Variants in RGSL1 observed in about 807,000 individuals in gnomAD.
The protein encoded by RGSL1 is regulator of G protein signaling like 1, also known as regulator of G protein signaling protein-like.
In RGSL1, 97 loss-of-function variants were observed where a neutral mutation model predicts 124.7. The observed-to-expected ratio is 0.78, with a 90% CI of 0.66 to 0.92. RGSL1 has a LOEUF of 0.92. Among genes scored for constraint, RGSL1 ranks in the 40% least tolerant of loss-of-function variants. The pLI, the probability that RGSL1 is intolerant of heterozygous loss-of-function variation, is 0.00. For synonymous variants in RGSL1, 424 were observed against 438.1 expected (o/e 0.97, Z 0.40); for missense variants, 1,233 against 1,288.4 (o/e 0.96, Z 0.66).
Position 182,474,101 on chromosome 1 carries a change from G to T in RGSL1, c.990G>T (p.Met330Ile). The T allele has an allele frequency of 6.4e-7, 1 of 1,551,850 alleles. No individual in the cohort carries two copies. Among genetic ancestry groups the T allele is most frequent in the East Asian group, 2.4e-5 (1 of 40,926 alleles). Residue 330 changes from methionine (M) to isoleucine (I), a missense_variant, in exon 6 of 22, where the codon ATG (methionine) becomes ATT (isoleucine). By Grantham distance (10) the Met-to-Ile change is conservative. Transcript: ENST00000294854. ...ATAAAGCCAAGAGCCACCTCCACAT[G>T]GAAGCCCCCTTTGAGACAAAGGTCT... is the stretch of plus-strand genomic sequence containing the variant. The part of the protein sequence containing the change: ...MENKAKSHLH[M>I]EAPFETKVST...
At chr1:182,477,895 C>T (rs1164481131) in intron 6 of RGSL1, among the ~76,000 whole-genome samples, 3 of 151,982 alleles carry the variant, frequency 2.0e-5, no homozygotes, top group Non-Finnish European at 4.4e-5. Flanking sequence ...GTACACACAC[C>T]AATGCAAGGA....
At chr1:182,468,191 T>C (rs1466962718) in intron 4 of RGSL1, among the ~76,000 whole-genome samples, 2 of 152,220 alleles carry the variant, frequency 1.3e-5, no homozygotes, top group Non-Finnish European at 2.9e-5. Context: ...AGTTCAACCA[T>C]TGTGGAAGTC....
At chr1:182,474,727 C>A (rs577997693) in intron 6 of RGSL1, among the ~76,000 whole-genome samples, 185 bp downstream of exon 6, 2 of 152,160 alleles carry the variant, frequency 1.3e-5, no homozygotes, top group Non-Finnish European at 2.9e-5. Context: ...AAATCTGTAT[C>A]AGTCCATGGC....
chr1:182,539,541 A>G (rs551898772), intron 14 of RGSL1, among the ~76,000 whole-genome samples: 1 of 151,342 alleles, frequency 6.6e-6, no homozygotes, highest in Non-Finnish European at 1.5e-5. Context: ...TTGCAGGCAG[A>G]ATGGTAAATT....
In RGSL1 at chr1:182,454,055, A is replaced by T; in HGVS notation, c.96+15A>T. The stretch of plus-strand genomic sequence containing the variant: ...TTTCCCTCCCGGTAAGCATTCTCAG[A>T]TTTAAATACAAATATTTCATCAGCA... On this transcript the variant is annotated intron_variant, in intron 2 of 21. Transcript: ENST00000294854. 1 of 1,422,190 alleles carries T rather than the reference A, an allele frequency of 7.0e-7. No homozygotes were observed. The highest frequency in any genetic ancestry group is 9.7e-7 in the Non-Finnish European group (1 of 1,029,202). 88.1% of individuals were successfully genotyped at this position (1,422,190 alleles called of 1,614,324 possible). A position where few individuals can be genotyped will look rare whatever the true frequency, so the allele number is the denominator to read the frequency against.
At chr1:182,524,903 G>T (rs1423425979) in intron 10 of RGSL1, among the ~76,000 whole-genome samples, 1 of 152,196 alleles carries the variant, frequency 6.6e-6, no homozygotes, top group Non-Finnish European at 1.5e-5. Flanking sequence ...CTGTGCAAAT[G>T]CTGTGCAGAT....
rs776979620 is a variant in RGSL1 at position 182,551,125 on chromosome 1, T to G, written c.2959T>G (p.Ser987Ala). The G allele has an allele frequency of 2.3e-5, 36 of 1,551,564 alleles. 1 individual carries two copies. In the South Asian group the frequency reaches 4.3e-4, roughly 18 times the overall value. The change falls in exon 18 of 22, where the codon TCT becomes GCT. Residue 987 changes from serine (S) to alanine (A), a missense_variant. Transcript: ENST00000294854. ...KRFCFWKATR[S>A]YLQYRGKKFK... Reference sequence around the variant, plus strand: ...GTTTTGTTTCTGGAAGGCAACCCGCTCTTACTTACAGTATAGGGGGAAGAA... The same window carrying G: ...GTTTTGTTTCTGGAAGGCAACCCGCGCTTACTTACAGTATAGGGGGAAGAA...
chr1:182,452,563 C>T (rs1430066370), intron 1 of RGSL1, among the ~76,000 whole-genome samples: 1 of 151,976 alleles, frequency 6.6e-6, no homozygotes, highest in African/African-American at 2.4e-5. Flanking sequence ...AGCGATTCTC[C>T]TGCCTCAGCC....
intron 9 of RGSL1, among the ~76,000 whole-genome samples, chr1:182,516,743 A>G (rs1446605828): frequency 6.6e-6 from 1 of 152,126 alleles, no homozygotes; most frequent in Non-Finnish European, 1.5e-5. Flanking sequence ...TTTACACTTT[A>G]ACTCCACCCC....
At chr1:182,480,095 A>G (rs1322823272) in intron 6 of RGSL1, among the ~76,000 whole-genome samples, 1 of 152,208 alleles carries the variant, frequency 6.6e-6, no homozygotes, top group African/African-American at 2.4e-5. Context: ...ACGGACAGAA[A>G]ATGAACAAAG....
chr1:182,493,273 TGA>T lies in RGSL1; in HGVS notation c.1825+145_1825+146del, dbSNP rs1655667737. On this transcript the variant is annotated intron_variant, in intron 9 of 21. Coordinates refer to ENST00000294854, the MANE Select transcript of RGSL1 (RefSeq NM_001137669.2). ...AAATGGAGAGGTGGTTAGGGGGTAA[TGA>T]CTATGTCTTTTTTCTCCTACGAAAC... The T allele has an allele frequency of 1.6e-5, 10 of 619,152 alleles. No homozygotes were observed. The South Asian group carries it at 2.1e-4, about 13-fold the overall frequency. The allele number at this position is 619,152 out of a possible 1,614,324, so 38.4% of individuals were successfully genotyped here. A position where few individuals can be genotyped will look rare whatever the true frequency, so the allele number is the denominator to read the frequency against.
At chr1:182,541,768 C>T (rs919391973) in intron 15 of RGSL1, among the ~76,000 whole-genome samples, 4 of 152,064 alleles carry the variant, frequency 2.6e-5, no homozygotes, top group African/African-American at 9.7e-5. Flanking sequence ...ATAATAGCGA[C>T]TTTAACTAGG....
intron 17 of RGSL1, chr1:182,549,250 C>T (rs1660414884): frequency 6.1e-6 from 1 of 163,148 alleles, no homozygotes; most frequent in Middle Eastern, 3.1e-3. Context: ...GCCCAAATCC[C>T]CAGAATTACC....
intron 13 of RGSL1, 32 bp from the exon 14 acceptor site, chr1:182,532,630 T>G (rs908541928): frequency 1.9e-6 from 3 of 1,546,666 alleles, no homozygotes; most frequent in Non-Finnish European, 2.6e-6. Flanking sequence ...ACCATACTAA[T>G]GAACATGTTA....
At chr1:182,538,186 A>C (rs1659666317) in intron 14 of RGSL1, among the ~76,000 whole-genome samples, 1 of 152,162 alleles carries the variant, frequency 6.6e-6, no homozygotes, top group South Asian at 2.1e-4. Flanking sequence ...GGGAGGATAA[A>C]TCCAGTTCTT....
chr1:182,537,023 A>G (rs1659593886), intron 14 of RGSL1, among the ~76,000 whole-genome samples: 1 of 152,158 alleles, frequency 6.6e-6, no homozygotes, highest in African/African-American at 2.4e-5. Context: ...TTATTGGGTT[A>G]TAAGAATTCT....
chr1:182,548,811 T>G lies in RGSL1; in HGVS notation c.2920T>G (p.Tyr974Asp). The G allele has an allele frequency of 1.3e-6, 2 of 1,551,636 alleles. No individual in the cohort carries two copies. The highest frequency in any genetic ancestry group is 8.7e-7 in the Non-Finnish European group (1 of 1,146,966). Residue 974 changes from tyrosine to aspartate, a missense_variant, in exon 17 of 22, where the codon TAC (tyrosine) becomes GAC (aspartate). By Grantham distance (160) the Tyr-to-Asp change is radical. Coordinates refer to ENST00000294854, the MANE Select transcript of RGSL1 (RefSeq NM_001137669.2). ...CATGTCTGTCTTCCCCGTTGTTATG[T>G]ACTTCTGGAAAAGGTAACTGTTTCT... ...AIMSVFPVVM[Y>D]FWKRFCFWKA...
intron 14 of RGSL1, among the ~76,000 whole-genome samples, chr1:182,533,051 C>A (rs2102276521): frequency 6.6e-6 from 1 of 152,110 alleles, no homozygotes; most frequent in Non-Finnish European, 1.5e-5. Flanking sequence ...AAAATAATTT[C>A]CTTATGTTTT....
rs774518729 is a variant in RGSL1 at position 182,460,733 on chromosome 1, T to C, written c.301+600T>C. On this transcript the variant is annotated intron_variant, in intron 4 of 21. Transcript: ENST00000294854. Reference sequence around the variant, plus strand: ...ATCTGTTTCCTCATCTAGACAACAATTGTACTGGCAGAATCTGTATGATGT... The same window carrying C: ...ATCTGTTTCCTCATCTAGACAACAACTGTACTGGCAGAATCTGTATGATGT... The C allele has an allele frequency of 3.8e-4, 174 of 455,890 alleles. 1 individual carries two copies. The highest frequency in any genetic ancestry group is 2.2e-4 in the Non-Finnish European group (49 of 226,780). 28.2% of individuals were successfully genotyped at this position (455,890 alleles called of 1,614,324 possible).
Sources: gnomAD v4.1 joint callset for allele counts (sites outside exome capture counted in the v4.1 genomes callset) on GRCh38, gnomAD v4.1.1 for gene constraint, MANE v1.5 for transcripts, NCBI Gene and HGNC (gene_info 2026-07-23, HGNC 2026-07-21) for gene names.